Variants in ZNF618 observed in about 807,000 individuals in gnomAD.
ZNF618 encodes neural precursor cell expressed, developmentally down-regulated 10.
A neutral mutation model predicts 103.0 loss-of-function variants in ZNF618; 34 were observed. The observed-to-expected ratio is 0.33, with a 90% CI of 0.25 to 0.44. The LOEUF is 0.44. Among genes scored for constraint, ZNF618 ranks in the 20% least tolerant of loss-of-function variants. The probability of loss-of-function intolerance (pLI) is 1.00; values close to 1 mark genes in which losing one functional copy is unlikely to be tolerated. For synonymous variants in ZNF618, 551 were observed against 542.2 expected (o/e 1.02, Z -0.23); for missense variants, 1,059 against 1,295.4 (o/e 0.82, Z 2.80).
chr9:114,002,824 A>G (rs1009895897), intron 6 of ZNF618, among the ~76,000 whole-genome samples, 162 bp downstream of exon 6: 37 of 152,320 alleles, frequency 2.4e-4, no homozygotes, highest in Admixed American at 1.1e-3. Context: ...CAAAACCGCA[A>G]TGCGGTACCT....
chr9:114,055,466 C>G lies in ZNF618; in HGVS notation c.*5299C>G, dbSNP rs565515913. 4 of 152,696 alleles carry G rather than the reference C, an allele frequency of 2.6e-5. No homozygotes were observed. The highest frequency in any genetic ancestry group is 2.6e-4 in the Admixed American group (4 of 15,294). The allele number at this position is 152,696 out of a possible 1,614,324, so 9.5% of individuals were successfully genotyped here. A position where few individuals can be genotyped will look rare whatever the true frequency, so the allele number is the denominator to read the frequency against. ...CGAAGCAGAGATATTTTTTAAGAAGCGTAAATTATTTTCAGTTGTTTTCTG... is the reference window on the plus strand; with the variant it reads ...CGAAGCAGAGATATTTTTTAAGAAGGGTAAATTATTTTCAGTTGTTTTCTG... On this transcript the variant is annotated 3_prime_UTR_variant, in exon 15 of 15. Transcript: ENST00000374126.
At chr9:113,963,955 A>C (rs987988273) in intron 1 of ZNF618, among the ~76,000 whole-genome samples, 23 of 152,328 alleles carry the variant, frequency 1.5e-4, no homozygotes, top group African/African-American at 5.5e-4. Flanking sequence ...TTGGGAAAAC[A>C]ATGAACAGGG....
At chr9:114,012,144 T>G (rs1026518149) in intron 9 of ZNF618, among the ~76,000 whole-genome samples, 1 of 152,218 alleles carries the variant, frequency 6.6e-6, no homozygotes, top group African/African-American at 2.4e-5. Context: ...CCATTCTGTT[T>G]GACAACCTCC....
chr9:114,030,039 A>G (rs1407946711), intron 11 of ZNF618, among the ~76,000 whole-genome samples: 6 of 152,192 alleles, frequency 3.9e-5, no homozygotes, highest in Non-Finnish European at 8.8e-5. Flanking sequence ...AGTTGTCCTC[A>G]GGAGACCAAA....
intron 1 of ZNF618, among the ~76,000 whole-genome samples, chr9:113,885,237 A>G (rs138258234): frequency 2.8e-4 from 43 of 152,288 alleles, no homozygotes; most frequent in African/African-American, 9.6e-4. Context: ...TGCTGCTTAC[A>G]CACTTTCAAG....
chr9:113,918,272 G>C (rs1325576990), intron 1 of ZNF618, among the ~76,000 whole-genome samples: 1 of 152,184 alleles, frequency 6.6e-6, no homozygotes, highest in Non-Finnish European at 1.5e-5. Flanking sequence ...CTTACTACTG[G>C]TGATGTTAGT....
chr9:114,049,241 G>A lies in ZNF618; in HGVS notation c.1939G>A (p.Val647Met), dbSNP rs769562572. 6 of 1,613,144 alleles carry A rather than the reference G, an allele frequency of 3.7e-6. No individual in the cohort carries two copies. Among genetic ancestry groups the A allele is most frequent in the South Asian group, 1.1e-5 (1 of 91,074 alleles). ...ACALNSVVQS[V>M]LSKRTLQARS... is the part of the protein sequence containing the mutation. ...TGCCTTGAACTCGGTGGTGCAGAGCGTGCTGAGCAAGCGGACACTGCAGGC... is the reference window on the plus strand; with the variant it reads ...TGCCTTGAACTCGGTGGTGCAGAGCATGCTGAGCAAGCGGACACTGCAGGC... Residue 647 changes from valine to methionine, a missense_variant, in exon 15 of 15, where the codon GTG becomes ATG. Physicochemically the swap from Val to Met is conservative, Grantham distance 21. This residue lies in a region of ZNF618 where 272 missense variants were observed against 380.1 expected (regional missense o/e 0.72). Transcript: ENST00000374126.
intron 1 of ZNF618, among the ~76,000 whole-genome samples, chr9:113,905,801 T>C (rs1467522664): frequency 2.0e-5 from 3 of 152,178 alleles, no homozygotes; most frequent in Non-Finnish European, 2.9e-5. Flanking sequence ...TGTTTCACCT[T>C]CCTTGCTCTT....
At position 113,919,563 on chromosome 9, in the gene ZNF618, GTA is replaced by G. The variant is rs371798113; in HGVS notation, c.33+43151_33+43152del. On this transcript the variant is annotated intron_variant, in intron 1 of 14. Transcript: ENST00000374126. ...ATGCCAGGAGCGAACTTGGCGAGTGGTAGCCTTTTCATAGTCAGGAGAGGCCT... is the reference window on the plus strand; with the variant it reads ...ATGCCAGGAGCGAACTTGGCGAGTGGGCCTTTTCATAGTCAGGAGAGGCCT... Among the ~76,000 whole-genome samples the G allele has an allele frequency of 4.2e-3, 639 of 152,340 alleles. 6 individuals are homozygous for G. Among genetic ancestry groups the G allele is most frequent in the African/African-American group, 0.014 (588 of 41,578 alleles).
At chr9:113,995,728 T>G (rs926544603) in intron 3 of ZNF618, among the ~76,000 whole-genome samples, 2 of 152,160 alleles carry the variant, frequency 1.3e-5, no homozygotes, top group Admixed American at 6.5e-5. Context: ...AGCAGAGAGT[T>G]GGAAGTCACC....
Position 113,988,345 on chromosome 9 carries a change from G to T in ZNF618, c.102G>T (p.Lys34Asn). The change falls in exon 3 of 15, where the codon AAG becomes AAT. Residue 34 changes from lysine to asparagine, a missense_variant. Lys to Asn is a moderately conservative substitution (Grantham distance 94). Around this residue, in one of 6 missense-constraint regions of ZNF618, gnomAD observed 194 missense variants for 209.0 expected, o/e 0.93. Coordinates refer to ENST00000374126, the MANE Select transcript of ZNF618 (RefSeq NM_001318042.2). ...GGGAGCGCTTGAAGCGCAGCCAGAAGAGCACCAAGGTGGAGGGCCCAGAGC... is the reference window on the plus strand; with the variant it reads ...GGGAGCGCTTGAAGCGCAGCCAGAATAGCACCAAGGTGGAGGGCCCAGAGC... ...ASRERLKRSQ[K>N]STKVEGPEPV... 1 of 1,612,984 alleles carries T rather than the reference G, an allele frequency of 6.2e-7. No individual in the cohort carries two copies. Among genetic ancestry groups the T allele is most frequent in the South Asian group, 1.1e-5 (1 of 91,040 alleles).
chr9:113,898,382 G>T (rs1459659728), intron 1 of ZNF618, among the ~76,000 whole-genome samples: 3 of 151,128 alleles, frequency 2.0e-5, no homozygotes, highest in Non-Finnish European at 4.4e-5. Flanking sequence ...GGCATGTTTG[G>T]CTTGGCCTGG....
intron 10 of ZNF618, chr9:114,027,984 A>T (rs1303826082): frequency 6.6e-6 from 1 of 152,130 alleles, no homozygotes; most frequent in Non-Finnish European, 1.5e-5. Context: ...GGCCAGGTTC[A>T]GGGGCTGGCC....
Position 113,951,540 on chromosome 9 carries a change from T to TGTACACATATGTGTATAC in ZNF618, c.34-17577_34-17576insGTACACATATGTGTATAC, listed in dbSNP as rs1564207937. On this transcript the variant is annotated intron_variant, in intron 1 of 14. Coordinates refer to ENST00000374126, the MANE Select transcript of ZNF618 (RefSeq NM_001318042.2). ...GTATATGTACACATATGTGTGTACA[T>TGTACACATATGTGTATAC]ATGTACACATATGTGTGTGTATATG... 8.5e-5 allele frequency among the ~76,000 whole-genome samples: 4 copies of TGTACACATATGTGTATAC among 47,258 alleles called. 1 individual carries two copies. The East Asian group carries it at 3.7e-3, about 44-fold the overall frequency. 31.0% of individuals were successfully genotyped at this position (47,258 alleles called of 152,430 possible).
chr9:114,042,809 A>G (rs1845329346), intron 13 of ZNF618, among the ~76,000 whole-genome samples: 1 of 152,244 alleles, frequency 6.6e-6, no homozygotes, highest in African/African-American at 2.4e-5. Context: ...AGCCTGGGCG[A>G]CAGAGCAAGA....
chr9:113,934,176 C>T (rs1213360278), intron 1 of ZNF618, among the ~76,000 whole-genome samples: 2 of 152,132 alleles, frequency 1.3e-5, no homozygotes, highest in South Asian at 2.1e-4. Flanking sequence ...CTCACGGGCA[C>T]ACGGTGTCTA....
chr9:113,889,347 T>TCTCTCTCTCTCTCTC (rs1477289947), intron 1 of ZNF618, among the ~76,000 whole-genome samples: 19 of 104,114 alleles, frequency 1.8e-4, no homozygotes, highest in East Asian at 5.1e-4. Flanking sequence ...CTCTCTCTCT[T>TCTCTCTCTCTCTCTC]TCTCTCCCTC....
intron 13 of ZNF618, among the ~76,000 whole-genome samples, chr9:114,039,340 GTTTTT>G (rs968810244): frequency 9.5e-6 from 1 of 104,746 alleles, no homozygotes; most frequent in African/African-American, 3.3e-5. Context: ...TTTCTTGTTT[GTTTTT>G]TTTTTTTTTT....
At chr9:113,970,979 C>T (rs1837907897) in intron 2 of ZNF618, among the ~76,000 whole-genome samples, 1 of 144,984 alleles carries the variant, frequency 6.9e-6, no homozygotes, top group African/African-American at 2.6e-5. Context: ...AGAAGATGTG[C>T]CAGTGATGTG....
Sources: gnomAD v4.1 joint callset for allele counts (sites outside exome capture counted in the v4.1 genomes callset) on GRCh38, gnomAD v4.1.1 for gene constraint, gnomAD v4.1.1 regional missense constraint, MANE v1.5 for transcripts, NCBI Gene and HGNC (gene_info 2026-07-23, HGNC 2026-07-21) for gene names.